ARPP21: variants seen among roughly 807,000 people sequenced by gnomAD.
The protein encoded by ARPP21 is cAMP-regulated phosphoprotein 21.
ARPP21 carries 69 observed loss-of-function variants against 113.2 expected under a neutral mutation model. The ratio of observed to expected loss-of-function variants is 0.61; its 90% CI spans 0.50 to 0.74. The LOEUF is 0.74. Ranked by LOEUF, ARPP21 falls within the 30% of genes least tolerant of loss-of-function variation. The pLI is 0.00. For synonymous variants in ARPP21, 368 were observed against 375.5 expected (o/e 0.98, Z 0.23); for missense variants, 1,070 against 1,037.4 (o/e 1.03, Z -0.43).
At chr3:35,689,859 A>G (rs1452428598) in intron 7 of ARPP21, among the ~76,000 whole-genome samples, 1 of 151,626 alleles carries the variant, frequency 6.6e-6, no homozygotes, top group East Asian at 1.9e-4. Context: ...ATATTTCAAT[A>G]TACTTAACAA....
intron 19 of ARPP21, among the ~76,000 whole-genome samples, chr3:35,761,001 A>G (rs985150946): frequency 5.3e-5 from 8 of 152,080 alleles, no homozygotes; most frequent in Non-Finnish European, 8.8e-5. Context: ...ACAGATTCTA[A>G]TGCTCAGGCA....
chr3:35,684,764 A>G (rs1337985462), intron 5 of ARPP21: 4 of 985,302 alleles, frequency 4.1e-6, no homozygotes, highest in Non-Finnish European at 4.8e-6. Flanking sequence ...AAAAGGACCA[A>G]AAATAAATTC....
chr3:35,701,536 C>T (rs1355347707), intron 9 of ARPP21, among the ~76,000 whole-genome samples: 17 of 151,592 alleles, frequency 1.1e-4, no homozygotes, highest in Admixed American at 1.3e-4. Context: ...GTCTGAATTG[C>T]GGGTGATTAC....
chr3:35,772,843 C>G (rs1395328738), intron 19 of ARPP21, among the ~76,000 whole-genome samples: 1 of 152,178 alleles, frequency 6.6e-6, no homozygotes, highest in Non-Finnish European at 1.5e-5. Flanking sequence ...ATGTCAGCCT[C>G]CGAGCTCAGG....
chr3:35,777,338 G>A (rs558314970), intron 19 of ARPP21, among the ~76,000 whole-genome samples: 3 of 152,272 alleles, frequency 2.0e-5, no homozygotes, highest in East Asian at 3.9e-4. Flanking sequence ...GGGAAAGTGG[G>A]AATTAACTTG....
intron 9 of ARPP21, among the ~76,000 whole-genome samples, chr3:35,705,973 T>A (rs77762035): frequency 6.6e-6 from 1 of 152,322 alleles, no homozygotes; most frequent in East Asian, 1.9e-4. Context: ...GAGCAAATGA[T>A]AAGTTTCTCT....
intron 19 of ARPP21, among the ~76,000 whole-genome samples, chr3:35,750,778 G>A (rs1258729767): frequency 6.6e-6 from 1 of 152,116 alleles, no homozygotes; most frequent in Non-Finnish European, 1.5e-5. Context: ...TTCAGACCAT[G>A]CTATCTTTTA....
At chr3:35,681,661 A>G (rs2078967321) in intron 2 of ARPP21, 53 bp from the exon 3 acceptor site, 6 of 877,166 alleles carry the variant, frequency 6.8e-6, no homozygotes, top group Non-Finnish European at 1.0e-5. Context: ...TCTCTAAAGA[A>G]TGATAGTAAA....
chr3:35,737,037 T>C, intron 15 of ARPP21, 141 bp from the exon 16 acceptor site: 1 of 573,060 alleles, frequency 1.7e-6, no homozygotes, highest in Non-Finnish European at 3.2e-6. Context: ...GTCTTCACAT[T>C]GGTGAAGGTT....
intron 1 of ARPP21, among the ~76,000 whole-genome samples, chr3:35,654,244 A>AT (rs1703770582): frequency 6.6e-6 from 1 of 152,004 alleles, no homozygotes; most frequent in Admixed American, 6.6e-5. Flanking sequence ...TTGCATTTTC[A>AT]TTTTTTTTCC....
chr3:35,640,640 T>C (rs1188378613), intron 1 of ARPP21, among the ~76,000 whole-genome samples: 1 of 152,188 alleles, frequency 6.6e-6, no homozygotes, highest in Non-Finnish European at 1.5e-5. Flanking sequence ...AAGTTGGCAA[T>C]GATTTTCATC....
intron 9 of ARPP21, among the ~76,000 whole-genome samples, chr3:35,704,439 G>C (rs34743239): frequency 6.6e-6 from 1 of 151,758 alleles, no homozygotes; most frequent in Admixed American, 6.6e-5. Context: ...AATGACACTT[G>C]AAACTTAGAA....
chr3:35,712,887 A>G (rs1204292209), intron 11 of ARPP21, among the ~76,000 whole-genome samples: 1 of 152,152 alleles, frequency 6.6e-6, no homozygotes, highest in African/African-American at 2.4e-5. Flanking sequence ...GACTTTGGGA[A>G]GGTTAAATTG....
chr3:35,640,934 AGTT>A (rs1326640644), intron 1 of ARPP21: 1 of 152,202 alleles, frequency 6.6e-6, no homozygotes, highest in Non-Finnish European at 1.5e-5. Flanking sequence ...GTGTTTAGAA[AGTT>A]TCTTAGGAAT....
At chr3:35,681,975 G>A in intron 3 of ARPP21, 95 bp downstream of exon 3, 1 of 1,345,078 alleles carries the variant, frequency 7.4e-7, no homozygotes, top group Non-Finnish European at 1.0e-6. Context: ...TTTTTAAAGA[G>A]TTTCACTGGT....
chr3:35,691,090 C>A, intron 9 of ARPP21, 85 bp downstream of exon 9: 1 of 1,388,934 alleles, frequency 7.2e-7, no homozygotes, highest in Non-Finnish European at 9.7e-7. Context: ...ATTCACAGTA[C>A]ATGACATTTA....
chr3:35,754,611 A>G (rs2095510859), intron 19 of ARPP21, among the ~76,000 whole-genome samples: 1 of 152,026 alleles, frequency 6.6e-6, no homozygotes, highest in African/African-American at 2.4e-5. Flanking sequence ...TTAAGAGAAA[A>G]ATTAACATTA....
chr3:35,660,054 G>C (rs772004624), intron 1 of ARPP21, among the ~76,000 whole-genome samples: 5 of 152,176 alleles, frequency 3.3e-5, no homozygotes, highest in African/African-American at 7.2e-5. Flanking sequence ...CAATGTTCTA[G>C]CCCTGACAAG....
At chr3:35,784,084 G>T (rs1451138239) in intron 19 of ARPP21, among the ~76,000 whole-genome samples, 1 of 152,098 alleles carries the variant, frequency 6.6e-6, no homozygotes, top group African/African-American at 2.4e-5. Flanking sequence ...CAAGTGTACT[G>T]CAAGATTCTG....
Sources: gnomAD v4.1 joint callset for allele counts (sites outside exome capture counted in the v4.1 genomes callset) on GRCh38, gnomAD v4.1.1 for gene constraint, MANE v1.5 for transcripts, NCBI Gene and HGNC (gene_info 2026-07-23, HGNC 2026-07-21) for gene names.